ADAMTS17: variants seen among roughly 807,000 people sequenced by gnomAD.
ADAMTS17 encodes the protein ADAM metallopeptidase with thrombospondin type 1 motif 17, also known as A disintegrin and metalloproteinase with thrombospondin motifs 17.
ADAMTS17 carries 113 observed loss-of-function variants against 141.5 expected under a neutral mutation model. The ratio of observed to expected loss-of-function variants is 0.80; its 90% CI spans 0.69 to 0.93. ADAMTS17 has a LOEUF of 0.93. ADAMTS17 is among the 40% of genes least tolerant of loss of function. ADAMTS17 has a pLI of 0.00. For synonymous variants in ADAMTS17, 768 were observed against 630.6 expected (o/e 1.22, Z -3.27); for missense variants, 1,659 against 1,517.9 (o/e 1.09, Z -1.54).
In ADAMTS17 at chr15:100,042,942, T is replaced by G. The variant is rs564633145; in HGVS notation, c.2591+5915A>C. Reference sequence around the variant, plus strand: ...AACTACTGTACATAATACATATATATATGTATATGGTGCATGTAGATACAT... The same window carrying G: ...AACTACTGTACATAATACATATATAGATGTATATGGTGCATGTAGATACAT... On this transcript the variant is annotated intron_variant, in intron 18 of 21. Coordinates refer to ENST00000268070, the MANE Select transcript of ADAMTS17 (RefSeq NM_139057.4). 2.0e-5 allele frequency among the ~76,000 whole-genome samples: 3 copies of G among 152,320 alleles called. No homozygotes were observed. The East Asian group carries it at 5.8e-4, about 29-fold the overall frequency.
intron 7 of ADAMTS17, among the ~76,000 whole-genome samples, chr15:100,211,792 A>G (rs561558936): frequency 4.6e-5 from 7 of 152,280 alleles, no homozygotes; most frequent in South Asian, 4.1e-4. Context: ...TCACAAGAAG[A>G]TATCAATTCA....
intron 3 of ADAMTS17, among the ~76,000 whole-genome samples, chr15:100,323,687 C>G (rs1435451227): frequency 6.6e-6 from 1 of 152,036 alleles, no homozygotes; most frequent in African/African-American, 2.4e-5. Flanking sequence ...CAAGCCAGTT[C>G]TTCGAAAAGG....
At chr15:100,114,611 T>C (rs1248416449) in intron 13 of ADAMTS17, among the ~76,000 whole-genome samples, 1 of 152,174 alleles carries the variant, frequency 6.6e-6, no homozygotes, top group Non-Finnish European at 1.5e-5. Context: ...GCGAGATACT[T>C]ACTGCCTGGT....
chr15:100,080,644 C>A (rs2141813411), intron 15 of ADAMTS17, among the ~76,000 whole-genome samples: 2 of 152,280 alleles, frequency 1.3e-5, no homozygotes, highest in East Asian at 1.9e-4. Flanking sequence ...CAGCTACAAC[C>A]ATGTGACCAG....
chr15:99,978,632 G>T (rs1360842616), intron 20 of ADAMTS17: 2 of 152,278 alleles, frequency 1.3e-5, no homozygotes, highest in East Asian at 1.9e-4. Context: ...GAGTGCTGAG[G>T]TTGAGGGATG....
intron 8 of ADAMTS17, among the ~76,000 whole-genome samples, chr15:100,187,266 C>G (rs1596224397): frequency 6.6e-6 from 1 of 152,350 alleles, no homozygotes; most frequent in East Asian, 1.9e-4. Context: ...GGCATCTTTA[C>G]AACCCTTTGC....
At chr15:100,256,884 G>T (rs1020687475) in intron 6 of ADAMTS17, 7 of 152,418 alleles carry the variant, frequency 4.6e-5, no homozygotes, top group Non-Finnish European at 8.8e-5. Context: ...TGGGCTCCGT[G>T]TGACCCCAGG....
chr15:100,063,247 G>C (rs2033258081), intron 15 of ADAMTS17, among the ~76,000 whole-genome samples: 1 of 152,220 alleles, frequency 6.6e-6, no homozygotes, highest in South Asian at 2.1e-4. Flanking sequence ...ACTTAAGATT[G>C]TTGTTCTTTT....
chr15:100,264,521 A>G lies in ADAMTS17; in HGVS notation c.790-2086T>C, dbSNP rs552426469. On this transcript the variant is annotated intron_variant, in intron 4 of 21. Transcript: ENST00000268070. Reference sequence around the variant, plus strand: ...CAGTCAAAACCAGAAACATTAAGGAATACTACAGATTTAAAGAAGTAACAC... The same window carrying G: ...CAGTCAAAACCAGAAACATTAAGGAGTACTACAGATTTAAAGAAGTAACAC... Among the ~76,000 whole-genome samples, 12 of 152,354 alleles carry G rather than the reference A, an allele frequency of 7.9e-5. No individual in the cohort carries two copies. In the South Asian group the frequency reaches 2.5e-3, roughly 32 times the overall value.
intron 15 of ADAMTS17, among the ~76,000 whole-genome samples, chr15:100,073,292 G>T (rs36161800): frequency 1.2e-4 from 19 of 152,050 alleles, no homozygotes; most frequent in African/African-American, 4.6e-4. Context: ...TGGAGAAATA[G>T]GAACACTTTT....
At chr15:100,302,674 G>T (rs2045082695) in intron 3 of ADAMTS17, among the ~76,000 whole-genome samples, 1 of 152,154 alleles carries the variant, frequency 6.6e-6, no homozygotes, top group Non-Finnish European at 1.5e-5. Flanking sequence ...GGTGCTTATT[G>T]TCTATTTGTA....
At chr15:100,000,231 TA>T (rs2060892545) in intron 18 of ADAMTS17, among the ~76,000 whole-genome samples, 1 of 152,334 alleles carries the variant, frequency 6.6e-6, no homozygotes, top group Non-Finnish European at 1.5e-5. Flanking sequence ...AGAATTGAGC[TA>T]AATTCTACAC....
intron 15 of ADAMTS17, among the ~76,000 whole-genome samples, chr15:100,091,028 A>AGG (rs1555446594): frequency 1.4e-5 from 2 of 143,636 alleles, no homozygotes; most frequent in African/African-American, 2.7e-5. Flanking sequence ...AAAAAAAAAA[A>AGG]GGGTAACCAA....
At chr15:100,210,376 G>A (rs752931878) in intron 7 of ADAMTS17, among the ~76,000 whole-genome samples, 2 of 152,084 alleles carry the variant, frequency 1.3e-5, no homozygotes, top group Non-Finnish European at 2.9e-5. Flanking sequence ...GTCCCATGCG[G>A]GATCTCATTT....
chr15:100,082,759 C>T (rs1341063689), intron 15 of ADAMTS17, among the ~76,000 whole-genome samples: 5 of 121,996 alleles, frequency 4.1e-5, no homozygotes, highest in African/African-American at 1.2e-4. Flanking sequence ...TACTTTTTCT[C>T]GTTAGTCTTT....
In ADAMTS17 at chr15:100,211,526, CAGAGGAAAATGT is replaced by C. The variant is rs373677949; in HGVS notation, c.1076-12115_1076-12104del. ...AGAATGGAAACAACTTCGAATCTGT[CAGAGGAAAATGT>C]AGTGGAGGTCTTTATGTTCCTAGAG... On this transcript the variant is annotated intron_variant, in intron 7 of 21. Transcript: ENST00000268070. 6.5e-3 allele frequency among the ~76,000 whole-genome samples: 996 copies of C among 152,164 alleles called. 9 individuals carry two copies. The highest frequency in any genetic ancestry group is 0.023 in the African/African-American group (975 of 41,514).
At chr15:100,073,029 C>T (rs2034093560) in intron 15 of ADAMTS17, among the ~76,000 whole-genome samples, 1 of 152,082 alleles carries the variant, frequency 6.6e-6, no homozygotes, top group African/African-American at 2.4e-5. Context: ...TGACAAAGGG[C>T]TAATATCCAG....
chr15:100,021,965 A>G (rs1445348103), intron 18 of ADAMTS17, among the ~76,000 whole-genome samples: 1 of 151,748 alleles, frequency 6.6e-6, no homozygotes, highest in Non-Finnish European at 1.5e-5. Flanking sequence ...GGCTCTCCAA[A>G]TGGCCTAAAT....
Position 100,109,072 on chromosome 15 carries a change from G to C in ADAMTS17, c.1933C>G (p.Pro645Ala). The C allele has an allele frequency of 6.2e-7, 1 of 1,613,894 alleles. No homozygotes were observed. The part of the protein sequence containing the change: ...LYCSPLGKES[P>A]LLVADRVLDG... Reference sequence around the variant, plus strand: ...AGGACCCTGTCGGCCACCAGCAGTGGGGACTCCTTCCCGAGGGGCGAGCAG... The same window carrying C: ...AGGACCCTGTCGGCCACCAGCAGTGCGGACTCCTTCCCGAGGGGCGAGCAG... Residue 645 changes from proline to alanine, a missense_variant, in exon 14 of 22, where the codon CCA becomes GCA. Pro to Ala is a conservative substitution (Grantham distance 27, BLOSUM62 -1). Coordinates refer to ENST00000268070, the MANE Select transcript of ADAMTS17 (RefSeq NM_139057.4).
Sources: gnomAD v4.1 joint callset for allele counts (sites outside exome capture counted in the v4.1 genomes callset) on GRCh38, gnomAD v4.1.1 for gene constraint, MANE v1.5 for transcripts, NCBI Gene and HGNC (gene_info 2026-07-23, HGNC 2026-07-21) for gene names.